The following MCPH1 variants were observed in gnomAD, a reference collection of about 807,000 sequenced individuals.
MCPH1 encodes the protein microcephalin 1.
A neutral mutation model predicts 84.5 loss-of-function variants in MCPH1; 104 were observed. The observed-to-expected ratio is 1.23, with a 90% confidence interval of 1.05 to 1.45. The LOEUF is 1.45. Among genes scored for constraint, MCPH1 ranks in the 40% most tolerant of loss-of-function variants. The probability of loss-of-function intolerance (pLI) is 0.00; values close to 1 mark genes in which losing one functional copy is unlikely to be tolerated. For missense variants in MCPH1, 1,498 were observed against 1,005.7 expected, an observed-to-expected ratio of 1.49 and a Z score of -6.62; for synonymous variants, 514 against 366.8, an observed-to-expected ratio of 1.40 and a Z score of -4.58.
chr8:6,500,311 GTATT>G (rs1377731905), intron 12 of MCPH1: 1 of 173,894 alleles, frequency 5.8e-6, no homozygotes, highest in Non-Finnish European at 1.2e-5. Flanking sequence ...TGTGATAACA[GTATT>G]TATATTTTTA....
chr8:6,606,104 G>A lies in MCPH1; in HGVS notation c.2215-15350G>A, dbSNP rs963216747. On this transcript the variant is annotated intron_variant, in intron 12 of 13. Transcript: ENST00000344683. ...GAGTAAGTTGTAAAGCTTTTGATAA[G>A]TTCAGTGGCTCCTGTAGGCAGACAA... is the stretch of plus-strand genomic sequence containing the variant. Among the ~76,000 whole-genome samples the A allele has an allele frequency of 7.9e-5, 12 of 152,210 alleles. 1 individual carries two copies. The highest frequency in any genetic ancestry group is 2.9e-4 in the African/African-American group (12 of 41,438).
intron 4 of MCPH1, among the ~76,000 whole-genome samples, chr8:6,434,852 C>G (rs1802411134): frequency 6.6e-6 from 1 of 152,114 alleles, no homozygotes. Context: ...CCCTGGGGTC[C>G]TATAAGAAAG....
chr8:6,530,690 T>G (rs1471599791), intron 12 of MCPH1, among the ~76,000 whole-genome samples: 1 of 152,206 alleles, frequency 6.6e-6, no homozygotes, highest in African/African-American at 2.4e-5. Context: ...TGTATGTTTT[T>G]CTTGAACTGT....
rs187350116 is a variant in MCPH1, at chr8:6,496,480, G to A, written c.2137-3372G>A. Among the ~76,000 whole-genome samples, 3 of 152,218 alleles carry A rather than the reference G, an allele frequency of 2.0e-5. No homozygotes were observed. The East Asian group carries it at 5.8e-4, about 29-fold the overall frequency. ...TGTTTTACACGATGTGGAGTCTTTT[G>A]TATGCAAAGAATATTGTTGACTTTC... is the stretch of plus-strand genomic sequence containing the variant. On this transcript the variant is annotated intron_variant, in intron 11 of 13. Transcript: ENST00000344683.
At chr8:6,425,270 G>C (rs1042851939) in intron 3 of MCPH1, among the ~76,000 whole-genome samples, 1 of 152,190 alleles carries the variant, frequency 6.6e-6, no homozygotes, top group African/African-American at 2.4e-5. Context: ...GACATCTCTT[G>C]AAACACTTTT....
chr8:6,577,412 G>A (rs989052844), intron 12 of MCPH1, among the ~76,000 whole-genome samples: 5 of 152,214 alleles, frequency 3.3e-5, no homozygotes, highest in Admixed American at 6.5e-5. Context: ...AGAATAGATC[G>A]TCCTGGGGTA....
chr8:6,564,211 T>G (rs1239615566), intron 12 of MCPH1, among the ~76,000 whole-genome samples: 15 of 152,288 alleles, frequency 9.8e-5, no homozygotes, highest in Non-Finnish European at 7.3e-5. Context: ...CTCATGACCT[T>G]GTGATCGACT....
chr8:6,610,115 G>C (rs1830137467), intron 12 of MCPH1, among the ~76,000 whole-genome samples: 1 of 152,186 alleles, frequency 6.6e-6, no homozygotes, highest in South Asian at 2.1e-4. Flanking sequence ...TACTGGCCTT[G>C]AGAGTCTCCT....
rs549372940 is a variant in MCPH1 at position 6,525,179 on chromosome 8, A to G, written c.2214+25250A>G. 1.2e-4 allele frequency among the ~76,000 whole-genome samples: 19 copies of G among 152,362 alleles called. No homozygotes were observed. In the South Asian group the frequency reaches 3.9e-3, roughly 32 times the overall value. Reference sequence around the variant, plus strand: ...CCCATTACATATCTCGCCCATAAGCAATAACAATCAGTATTAATAATAATT... The same window carrying G: ...CCCATTACATATCTCGCCCATAAGCGATAACAATCAGTATTAATAATAATT... On this transcript the variant is annotated intron_variant, in intron 12 of 13. Transcript: ENST00000344683.
intron 12 of MCPH1, among the ~76,000 whole-genome samples, chr8:6,579,495 A>C (rs531294237): frequency 6.6e-6 from 1 of 152,236 alleles, no homozygotes; most frequent in Admixed American, 6.5e-5. Context: ...TTAGTAAGGG[A>C]AGTGTTTTTC....
chr8:6,423,195 T>C (rs1320490980), intron 3 of MCPH1, among the ~76,000 whole-genome samples: 2 of 141,960 alleles, frequency 1.4e-5, no homozygotes, highest in African/African-American at 5.5e-5. Context: ...CTTTTCTTTT[T>C]TTTTTTTTTT....
intron 11 of MCPH1, among the ~76,000 whole-genome samples, chr8:6,490,628 C>A (rs559263307): frequency 6.6e-6 from 1 of 152,062 alleles, no homozygotes; most frequent in African/African-American, 2.4e-5. Flanking sequence ...ATTTTGCTAC[C>A]TGATACTTTT....
intron 12 of MCPH1, among the ~76,000 whole-genome samples, chr8:6,576,153 A>T (rs567742927): frequency 1.3e-5 from 2 of 152,080 alleles, no homozygotes; most frequent in Non-Finnish European, 2.9e-5. Flanking sequence ...CTTCTTGTTC[A>T]ACCTCAGGAG....
chr8:6,635,498 G>A (rs1489961606), intron 13 of MCPH1: 1 of 152,174 alleles, frequency 6.6e-6, no homozygotes, highest in Non-Finnish European at 1.5e-5. Context: ...GGGAGGCTGA[G>A]GTAAGAGTCT....
chr8:6,430,352 T>C (rs1364267116), intron 3 of MCPH1, among the ~76,000 whole-genome samples: 1 of 152,144 alleles, frequency 6.6e-6, no homozygotes, highest in African/African-American at 2.4e-5. Context: ...CTTCGGAAAA[T>C]TCCACTGCAT....
intron 12 of MCPH1, among the ~76,000 whole-genome samples, chr8:6,611,576 T>C (rs944618916): frequency 3.3e-5 from 5 of 152,130 alleles, no homozygotes; most frequent in Admixed American, 6.5e-5. Flanking sequence ...TGCACCAGGG[T>C]GTGTTCAACC....
intron 9 of MCPH1, among the ~76,000 whole-genome samples, chr8:6,472,235 C>T (rs1488711198): frequency 6.6e-6 from 1 of 152,074 alleles, no homozygotes; most frequent in East Asian, 1.9e-4. Context: ...CCAAGAATAT[C>T]ACATCAAGAG....
chr8:6,536,876 C>G (rs1239273683), intron 12 of MCPH1, among the ~76,000 whole-genome samples: 1 of 151,204 alleles, frequency 6.6e-6, no homozygotes, highest in East Asian at 1.9e-4. Flanking sequence ...TTTAGTGTCT[C>G]TCTTATTTTT....
At chr8:6,489,199 G>C (rs1023447029) in intron 11 of MCPH1, among the ~76,000 whole-genome samples, 3 of 152,104 alleles carry the variant, frequency 2.0e-5, no homozygotes, top group African/African-American at 4.8e-5. Context: ...CAGAGGAAAG[G>C]TTAACTATTC....
Sources: gnomAD v4.1 joint callset for allele counts (sites outside exome capture counted in the v4.1 genomes callset) on GRCh38, gnomAD v4.1.1 for gene constraint, MANE v1.5 for transcripts, NCBI Gene and HGNC (gene_info 2026-07-23, HGNC 2026-07-21) for gene names.